The following CFAP36 variants were observed in gnomAD, a reference collection of about 807,000 sequenced individuals.
CFAP36 encodes cilia and flagella associated protein 36, also known as cilia- and flagella-associated protein 36.
Under a neutral mutation model 50.5 loss-of-function variants are expected in CFAP36, and 37 were observed. That is an observed-to-expected ratio of 0.73 (90% confidence interval 0.56 to 0.96). The LOEUF is 0.96. Ranked by LOEUF, CFAP36 falls within the 50% of genes least tolerant of loss-of-function variation. The probability of loss-of-function intolerance (pLI) is 0.00; values close to 1 mark genes in which losing one functional copy is unlikely to be tolerated. For missense variants in CFAP36, 407 were observed against 396.2 expected (o/e 1.03, Z -0.23); for synonymous variants, 138 against 128.2 (o/e 1.08, Z -0.52).
intron 6 of CFAP36, among the ~76,000 whole-genome samples, chr2:55,537,246 C>T (rs779082485): frequency 6.6e-6 from 1 of 152,028 alleles, no homozygotes; most frequent in Non-Finnish European, 1.5e-5. Flanking sequence ...TAGTGCACAC[C>T]TGTAATCCCA....
intron 3 of CFAP36, among the ~76,000 whole-genome samples, chr2:55,524,529 G>T (rs1179173386): frequency 6.7e-6 from 1 of 148,386 alleles, no homozygotes; most frequent in Admixed American, 6.9e-5. Context: ...GCCTCCCAAA[G>T]TGCTAGGATT....
rs1345108544 is a variant in CFAP36 at position 55,535,695 on chromosome 2, AT to A, written c.486-12del. ...AAAAGGAAATTTATCTTTTTATCTTATTTTTGTATATTTCAGAAAATCAAAA... is the reference window on the plus strand; with the variant it reads ...AAAAGGAAATTTATCTTTTTATCTTATTTTGTATATTTCAGAAAATCAAAA... On this transcript the variant is annotated splice_polypyrimidine_tract_variant and intron_variant, in intron 5 of 9. Coordinates refer to ENST00000349456, the MANE Select transcript of CFAP36 (RefSeq NM_080667.7). 2 of 1,508,354 alleles carry A rather than the reference AT, an allele frequency of 1.3e-6. No homozygotes were observed. The highest frequency in any genetic ancestry group is 1.5e-5 in the African/African-American group (1 of 68,864). 93.4% of individuals were successfully genotyped at this position (1,508,354 alleles called of 1,614,324 possible).
intron 4 of CFAP36, among the ~76,000 whole-genome samples, chr2:55,533,609 C>T (rs1383595639): frequency 4.6e-5 from 7 of 151,122 alleles, no homozygotes; most frequent in East Asian, 3.9e-4. Context: ...GCAGGAGAAT[C>T]GCTTGAAGCT....
intron 1 of CFAP36, among the ~76,000 whole-genome samples, chr2:55,521,152 G>C (rs990040432): frequency 6.6e-6 from 1 of 150,948 alleles, no homozygotes; most frequent in Non-Finnish European, 1.5e-5. Context: ...TATTTTTACA[G>C]GTAATTTTTT....
chr2:55,537,793 C>T (rs534183482), intron 7 of CFAP36, among the ~76,000 whole-genome samples: 104 of 152,236 alleles, frequency 6.8e-4, no homozygotes, highest in African/African-American at 2.5e-3. Context: ...CTCAAGTTTC[C>T]GTGTAAAGCC....
At chr2:55,539,834 T>C (rs947144869) in intron 7 of CFAP36, among the ~76,000 whole-genome samples, 12 of 152,212 alleles carry the variant, frequency 7.9e-5, no homozygotes, top group African/African-American at 2.7e-4. Flanking sequence ...TGGTATCTCA[T>C]TGTTGTTTTA....
Position 55,544,236 on chromosome 2 carries a change from G to C in CFAP36, c.794G>C (p.Gly265Ala), listed in dbSNP as rs1208575693. Residue 265 changes from glycine to alanine, a missense_variant, in exon 9 of 10, where the codon GGA becomes GCA. Gly to Ala is a moderately conservative substitution (Grantham distance 60). Transcript: ENST00000349456. ...EGPIANLSVL[G>A]TEELRQREHY... Reference sequence around the variant, plus strand: ...TTGACCCAGAACTTATCAGTACTTGGAACAGAAGAACTTCGGCAACGAGAA... The same window carrying C: ...TTGACCCAGAACTTATCAGTACTTGCAACAGAAGAACTTCGGCAACGAGAA... 6.2e-7 allele frequency: 1 copy of C among 1,613,298 alleles called. No individual in the cohort carries two copies. The highest frequency in any genetic ancestry group is 1.1e-5 in the South Asian group (1 of 90,870).
chr2:55,523,332 T>G (rs1684122273), intron 2 of CFAP36, among the ~76,000 whole-genome samples: 1 of 151,788 alleles, frequency 6.6e-6, no homozygotes. Flanking sequence ...GGAGAATTGC[T>G]TGAGCCTGGG....
intron 7 of CFAP36, chr2:55,538,859 T>C (rs1684561905): frequency 6.6e-7 from 1 of 1,512,154 alleles, no homozygotes; most frequent in Admixed American, 2.5e-5. Context: ...AAATATATTC[T>C]TCTAAACCTT....
chr2:55,522,395 C>T (rs1376193086), intron 2 of CFAP36, among the ~76,000 whole-genome samples: 1 of 152,156 alleles, frequency 6.6e-6, no homozygotes, highest in Non-Finnish European at 1.5e-5. Flanking sequence ...TTTATGGGTT[C>T]TTGCATGTAT....
At chr2:55,527,523 G>A (rs1558908530) in intron 3 of CFAP36, among the ~76,000 whole-genome samples, 1 of 151,800 alleles carries the variant, frequency 6.6e-6, no homozygotes, top group Non-Finnish European at 1.5e-5. Flanking sequence ...TGGAGGTTGC[G>A]GTGAGCTGAG....
At chr2:55,534,690 G>A (rs1050047348) in intron 5 of CFAP36, among the ~76,000 whole-genome samples, 1 of 152,194 alleles carries the variant, frequency 6.6e-6, no homozygotes, top group Non-Finnish European at 1.5e-5. Flanking sequence ...TAATCACAGT[G>A]TCACTTGCAG....
At chr2:55,520,393 C>G in intron 1 of CFAP36, 1 of 1,534,566 alleles carries the variant, frequency 6.5e-7, no homozygotes, top group South Asian at 1.2e-5. Flanking sequence ...TGATTTCACT[C>G]CAAACCAACA....
chr2:55,530,775 A>G (rs1281186563), intron 4 of CFAP36, among the ~76,000 whole-genome samples: 11 of 152,194 alleles, frequency 7.2e-5, no homozygotes, highest in Non-Finnish European at 1.5e-4. Context: ...CGTTAGCTCA[A>G]TAGATTGCCA....
chr2:55,519,937 C>A (rs1191822119), intron 1 of CFAP36, 21 bp downstream of exon 1: 2 of 1,608,114 alleles, frequency 1.2e-6, no homozygotes, highest in Non-Finnish European at 8.5e-7. Flanking sequence ...GAGCCCGAAC[C>A]GACAATCCTT....
chr2:55,540,799 T>C (rs559252162), intron 7 of CFAP36, among the ~76,000 whole-genome samples: 1 of 152,082 alleles, frequency 6.6e-6, no homozygotes, highest in South Asian at 2.1e-4. Flanking sequence ...CTGTTCGAGC[T>C]CAGGAGTTCA....
chr2:55,527,929 G>A (rs1684252028), intron 3 of CFAP36, among the ~76,000 whole-genome samples: 4 of 151,898 alleles, frequency 2.6e-5, no homozygotes, highest in Admixed American at 2.6e-4. Flanking sequence ...CAGCACTTTG[G>A]GAGGCCAAGG....
At chr2:55,524,742 G>A (rs1684158020) in intron 3 of CFAP36, among the ~76,000 whole-genome samples, 1 of 151,924 alleles carries the variant, frequency 6.6e-6, no homozygotes, top group Non-Finnish European at 1.5e-5. Flanking sequence ...AGTACTTTGG[G>A]AGGCCGAGGC....
In CFAP36 at chr2:55,528,901, A is replaced by C; in HGVS notation, c.306A>C (p.Ala102=). 6.2e-7 allele frequency: 1 copy of C among 1,608,542 alleles called. No homozygotes were observed. The highest frequency in any genetic ancestry group is 1.3e-5 in the African/African-American group (1 of 74,832). ...TSQAILQPVL[A]AEDFTIFKAM... is the part of the protein sequence containing the mutation. The stretch of plus-strand genomic sequence containing the variant: ...AGGCCATTTTGCAACCTGTGTTGGC[A>C]GCAGAAGATTTTACTATCTTTAAAG... The change falls in exon 4 of 10, where the codon GCA becomes GCC. Residue 102 remains alanine, a synonymous_variant. Transcript: ENST00000349456.
Sources: gnomAD v4.1 joint callset for allele counts (sites outside exome capture counted in the v4.1 genomes callset) on GRCh38, gnomAD v4.1.1 for gene constraint, MANE v1.5 for transcripts, NCBI Gene and HGNC (gene_info 2026-07-23, HGNC 2026-07-21) for gene names.